The following PRKN variants were observed in gnomAD, a reference collection of about 807,000 sequenced individuals.
The protein encoded by PRKN is E3 ubiquitin-protein ligase parkin.
Under a neutral mutation model 59.5 loss-of-function variants are expected in PRKN, and 56 were observed. That is an observed-to-expected ratio of 0.94 (90% confidence interval 0.76 to 1.18). The LOEUF (loss-of-function observed/expected upper bound fraction) is 1.18, where lower values mean the gene tolerates loss of function less well. Ranked by LOEUF, PRKN falls within the 50% of genes most tolerant of loss-of-function variation. The pLI is 0.00. For missense variants in PRKN, 657 were observed against 596.4 expected (o/e 1.10, Z -1.06); for synonymous variants, 250 against 222.1 (o/e 1.13, Z -1.12).
intron 2 of PRKN, among the ~76,000 whole-genome samples, chr6:162,267,990 T>C (rs1039131984): frequency 6.6e-6 from 1 of 152,200 alleles, no homozygotes; most frequent in African/African-American, 2.4e-5. Flanking sequence ...TCTAAAATGA[T>C]TAATAATGAG....
chr6:162,097,956 A>G (rs1779811126), intron 4 of PRKN, among the ~76,000 whole-genome samples: 2 of 152,202 alleles, frequency 1.3e-5, no homozygotes, highest in Admixed American at 6.5e-5. Flanking sequence ...TCTTGGTAAG[A>G]GCGTTGACCA....
At chr6:161,437,251 T>C (rs578217146) in intron 9 of PRKN, among the ~76,000 whole-genome samples, 6 of 152,228 alleles carry the variant, frequency 3.9e-5, no homozygotes, top group Non-Finnish European at 8.8e-5. Context: ...TCATCCTTCT[T>C]CTTGTGATCT....
Position 161,450,518 on chromosome 6 carries a change from T to G in PRKN, c.1084-63641A>C, listed in dbSNP as rs148131525. Among the ~76,000 whole-genome samples the G allele has an allele frequency of 9.1e-4, 138 of 152,362 alleles. 1 individual carries two copies. The East Asian group carries it at 0.022, about 24-fold the overall frequency. On this transcript the variant is annotated intron_variant, in intron 9 of 11. Transcript: ENST00000366898. ...ACTTCTCCATAAGTTTCAGCATATC[T>G]ATAAACCACTCATACCATGATTTAC... is the stretch of plus-strand genomic sequence containing the variant.
intron 2 of PRKN, among the ~76,000 whole-genome samples, chr6:162,375,405 GT>G (rs1361938543): frequency 4.9e-3 from 679 of 139,492 alleles, no homozygotes; most frequent in Middle Eastern, 0.011. Context: ...ATCAACTCCT[GT>G]TTTTTTTTTT....
intron 2 of PRKN, among the ~76,000 whole-genome samples, chr6:162,293,546 G>A (rs1404239802): frequency 6.6e-6 from 1 of 152,158 alleles, no homozygotes; most frequent in East Asian, 1.9e-4. Flanking sequence ...GCCCTGGAGA[G>A]GGCAGCTGTC....
chr6:161,417,407 G>A lies in PRKN; in HGVS notation c.1084-30530C>T, dbSNP rs925569554. Reference sequence around the variant, plus strand: ...GGAGGTTGCAGTGAGCAGAGATGGCGTCACTGCACTCCAGCCTGGCAACAG... The same window carrying A: ...GGAGGTTGCAGTGAGCAGAGATGGCATCACTGCACTCCAGCCTGGCAACAG... On this transcript the variant is annotated intron_variant, in intron 9 of 11. Transcript: ENST00000366898. The surrounding 1 kb of genome is among the most constrained non-coding windows in gnomAD (Gnocchi z 5.4). Among the ~76,000 whole-genome samples, 4 of 146,982 alleles carry A rather than the reference G, an allele frequency of 2.7e-5. No homozygotes were observed. Among genetic ancestry groups the A allele is most frequent in the Non-Finnish European group, 4.4e-5 (3 of 67,562 alleles).
intron 1 of PRKN, among the ~76,000 whole-genome samples, chr6:162,687,490 G>C (rs1467252965): frequency 1.3e-5 from 2 of 151,928 alleles, no homozygotes; most frequent in African/African-American, 4.8e-5. Context: ...GGCCACAAAA[G>C]AGTCTTTTAT....
intron 2 of PRKN, among the ~76,000 whole-genome samples, chr6:162,425,794 G>A (rs529599809): frequency 6.6e-6 from 1 of 152,322 alleles, no homozygotes; most frequent in African/African-American, 2.4e-5. Flanking sequence ...TAGAATTAGA[G>A]GAAAATGCAA....
At position 161,521,387 on chromosome 6, in the gene PRKN, C is replaced by G. The variant is rs1285783182; in HGVS notation, c.1083+27467G>C. On this transcript the variant is annotated intron_variant, in intron 9 of 11. Coordinates refer to ENST00000366898, the MANE Select transcript of PRKN (RefSeq NM_004562.3). Reference sequence around the variant, plus strand: ...AAAGCATAAAATTAGGATAGAAATCCCATTGTGTTAAAGTTCCATGGAAAT... The same window carrying G: ...AAAGCATAAAATTAGGATAGAAATCGCATTGTGTTAAAGTTCCATGGAAAT... Among the ~76,000 whole-genome samples, 5 of 152,208 alleles carry G rather than the reference C, an allele frequency of 3.3e-5. No individual in the cohort carries two copies. The South Asian group carries it at 6.2e-4, about 19-fold the overall frequency.
At chr6:162,494,422 G>C (rs1003254130) in intron 1 of PRKN, among the ~76,000 whole-genome samples, 3 of 152,148 alleles carry the variant, frequency 2.0e-5, no homozygotes, top group African/African-American at 7.2e-5. Flanking sequence ...CCAGCATCAG[G>C]GTTGAGATTT....
At chr6:162,517,843 A>C (rs1209286484) in intron 1 of PRKN, among the ~76,000 whole-genome samples, 3 of 152,228 alleles carry the variant, frequency 2.0e-5, no homozygotes, top group Non-Finnish European at 4.4e-5. Flanking sequence ...ACAATCTTTT[A>C]GACTTTAATA....
At chr6:161,839,880 C>T (rs975409530) in intron 6 of PRKN, among the ~76,000 whole-genome samples, 6 of 152,178 alleles carry the variant, frequency 3.9e-5, no homozygotes, top group African/African-American at 1.4e-4. Context: ...ATTTTATTAG[C>T]AGTGACAGTT....
chr6:161,571,447 C>T (rs977732152), intron 7 of PRKN, among the ~76,000 whole-genome samples: 1 of 152,080 alleles, frequency 6.6e-6, no homozygotes, highest in Admixed American at 6.6e-5. Context: ...GAGTGTTTGT[C>T]TGGGGGAGGG....
chr6:162,512,220 T>C (rs1777655948), intron 1 of PRKN, among the ~76,000 whole-genome samples: 1 of 152,190 alleles, frequency 6.6e-6, no homozygotes, highest in Admixed American at 6.6e-5. Flanking sequence ...TCATTTCTTA[T>C]TACAACAAAA....
chr6:162,694,071 C>A (rs975711613), intron 1 of PRKN, among the ~76,000 whole-genome samples: 1 of 151,750 alleles, frequency 6.6e-6, no homozygotes, highest in Non-Finnish European at 1.5e-5. Flanking sequence ...CACGGTGAAA[C>A]CCCGTATCTA....
At chr6:162,582,784 A>C (rs1285359733) in intron 1 of PRKN, among the ~76,000 whole-genome samples, 2 of 152,316 alleles carry the variant, frequency 1.3e-5, no homozygotes, top group South Asian at 2.1e-4. Context: ...TGTACCTTAC[A>C]TGTCTCTGAA....
At chr6:162,055,973 C>T (rs1235835472) in intron 4 of PRKN, among the ~76,000 whole-genome samples, 1 of 151,778 alleles carries the variant, frequency 6.6e-6, no homozygotes, top group Non-Finnish European at 1.5e-5. Flanking sequence ...CATATACATG[C>T]ACATACCACA....
rs922956128 is a variant in PRKN, at chr6:162,727,713, C to A, written c.-45G>T. The A allele has an allele frequency of 6.4e-7, 1 of 1,551,184 alleles. No individual in the cohort carries two copies. The highest frequency in any genetic ancestry group is 8.7e-7 in the Non-Finnish European group (1 of 1,146,834). On this transcript the variant is annotated 5_prime_UTR_variant, in exon 1 of 12. Transcript: ENST00000366898. ...GCTGCGGGCCAGGAACAGGCCCATG[C>A]GCGCAGCGGCGCCAGCCGCGCCTCC...
intron 5 of PRKN, among the ~76,000 whole-genome samples, chr6:162,014,893 A>G (rs1051645817): frequency 6.6e-6 from 1 of 151,932 alleles, no homozygotes; most frequent in Non-Finnish European, 1.5e-5. Flanking sequence ...TCCCAGCTGC[A>G]TAGTACTCTA....
Sources: allele counts gnomAD v4.1 joint callset (sites outside exome capture counted in the v4.1 genomes callset), GRCh38; gene constraint gnomAD v4.1.1; non-coding constraint Gnocchi (gnomAD v3.1); transcripts MANE v1.5; gene names NCBI Gene and HGNC (gene_info 2026-07-23, HGNC 2026-07-21).